The following RGS6 variants were observed in gnomAD, a reference collection of about 807,000 sequenced individuals.
RGS6 encodes regulator of G protein signaling 6.
Under a neutral mutation model 78.5 loss-of-function variants are expected in RGS6, and 30 were observed. The observed-to-expected ratio is 0.38, with a 90% CI of 0.29 to 0.52. The LOEUF is 0.52. Ranked by LOEUF, RGS6 falls within the 20% of genes least tolerant of loss-of-function variation. The pLI is 0.85. For missense variants in RGS6, 495 were observed against 609.7 expected (o/e 0.81, Z 1.98); for synonymous variants, 206 against 206.0 (o/e 1.00, Z 0.00).
At chr14:72,181,422 A>G (rs754157981) in intron 2 of RGS6, among the ~76,000 whole-genome samples, 2 of 152,226 alleles carry the variant, frequency 1.3e-5, no homozygotes, top group Non-Finnish European at 2.9e-5. Flanking sequence ...ATTTTTTGCC[A>G]TCATTCAGAG....
chr14:71,901,263 T>C, the RGS6 span, among the ~76,000 whole-genome samples: 1 of 152,256 alleles, frequency 6.6e-6, no homozygotes. Context: ...ATCAAGAATA[T>C]GAACTTTAGA....
At chr14:71,996,603 G>A (rs552726696) in intron 2 of RGS6, among the ~76,000 whole-genome samples, 1 of 152,140 alleles carries the variant, frequency 6.6e-6, no homozygotes, top group Non-Finnish European at 1.5e-5. Context: ...CAGTAAAATT[G>A]GGCGTTTTCA....
At chr14:72,082,290 T>C (rs1202416895) in intron 2 of RGS6, among the ~76,000 whole-genome samples, 1 of 152,152 alleles carries the variant, frequency 6.6e-6, no homozygotes, top group Non-Finnish European at 1.5e-5. Context: ...TGGGATATCT[T>C]TTCATTTCTT....
chr14:72,095,803 A>T (rs1263790213), intron 2 of RGS6, among the ~76,000 whole-genome samples: 2 of 152,246 alleles, frequency 1.3e-5, no homozygotes, highest in Non-Finnish European at 2.9e-5. Flanking sequence ...TTTCAATGTC[A>T]TGCAAATGCC....
At chr14:72,432,644 A>T (rs2094699063) in intron 3 of RGS6, among the ~76,000 whole-genome samples, 1 of 152,186 alleles carries the variant, frequency 6.6e-6, no homozygotes, top group Admixed American at 6.5e-5. Flanking sequence ...GCTCCTGTCC[A>T]TCCCACCTCC....
intron 13 of RGS6, among the ~76,000 whole-genome samples, chr14:72,505,093 A>C (rs2096783031): frequency 1.3e-5 from 2 of 151,934 alleles, no homozygotes; most frequent in South Asian, 4.2e-4. Flanking sequence ...GCTTTTGCTG[A>C]CATATATCTC....
chr14:71,963,974 A>G (rs1301930710), intron 1 of RGS6, among the ~76,000 whole-genome samples: 2 of 151,348 alleles, frequency 1.3e-5, no homozygotes, highest in African/African-American at 4.9e-5. Context: ...TTACATTCCT[A>G]CCAGCAATGT....
At chr14:72,438,698 C>A (rs991105177) in intron 3 of RGS6, among the ~76,000 whole-genome samples, 1 of 152,220 alleles carries the variant, frequency 6.6e-6, no homozygotes, top group African/African-American at 2.4e-5. Flanking sequence ...CCTTCCATTT[C>A]TCTAACCCAG....
intron 3 of RGS6, among the ~76,000 whole-genome samples, chr14:72,402,803 T>G (rs1289772520): frequency 1.4e-5 from 2 of 141,404 alleles, no homozygotes; most frequent in Non-Finnish European, 3.1e-5. Flanking sequence ...TTTTTTTTTT[T>G]TTTTTTTTTT....
intron 2 of RGS6, among the ~76,000 whole-genome samples, chr14:71,972,018 T>C (rs760824121): frequency 2.5e-4 from 38 of 151,830 alleles, no homozygotes; most frequent in Non-Finnish European, 4.6e-4. Context: ...TTTTTTTCTT[T>C]ATTATACTTT....
intron 2 of RGS6, among the ~76,000 whole-genome samples, chr14:72,102,499 A>G (rs2095548230): frequency 6.6e-6 from 1 of 152,194 alleles, no homozygotes; most frequent in African/African-American, 2.4e-5. Context: ...GGTTTTAGAT[A>G]CTTTCTTTTA....
At chr14:72,023,124 A>T (rs2108709) in intron 2 of RGS6, among the ~76,000 whole-genome samples, 2 of 152,214 alleles carry the variant, frequency 1.3e-5, no homozygotes, top group African/African-American at 4.8e-5. Context: ...TGCCATTTCC[A>T]TGAATTTCCT....
In RGS6 at chr14:72,345,561, G is replaced by A. The variant is rs533661282; in HGVS notation, c.85-6534G>A. Among the ~76,000 whole-genome samples the A allele has an allele frequency of 5.3e-5, 8 of 152,300 alleles. No homozygotes were observed. The East Asian group carries it at 1.4e-3, about 26-fold the overall frequency. On this transcript the variant is annotated intron_variant, in intron 2 of 17. Transcript: ENST00000553525. Reference sequence around the variant, plus strand: ...GGAGCCGTGATGGTTTTCTTCCACAGGCCTGTGGTGGCATTCCTCAGTGTT... The same window carrying A: ...GGAGCCGTGATGGTTTTCTTCCACAAGCCTGTGGTGGCATTCCTCAGTGTT...
At chr14:71,986,431 C>G (rs896059385) in intron 2 of RGS6, among the ~76,000 whole-genome samples, 20 of 152,228 alleles carry the variant, frequency 1.3e-4, no homozygotes, top group African/African-American at 4.3e-4. Context: ...AGGCCAGGCA[C>G]AGTGGTGCAT....
At chr14:72,287,513 G>A (rs1184862624) in intron 2 of RGS6, among the ~76,000 whole-genome samples, 1 of 152,152 alleles carries the variant, frequency 6.6e-6, no homozygotes, top group Admixed American at 6.5e-5. Flanking sequence ...CTGGAGTGCA[G>A]TGGCGTGATC....
chr14:72,517,258 TGACTA>T (rs773925153), intron 14 of RGS6, among the ~76,000 whole-genome samples: 1 of 152,150 alleles, frequency 6.6e-6, no homozygotes, highest in Non-Finnish European at 1.5e-5. Context: ...CCCTTTCTGT[TGACTA>T]GACTACCTGT....
intron 2 of RGS6, among the ~76,000 whole-genome samples, chr14:72,287,777 A>T (rs73304918): frequency 6.6e-6 from 1 of 152,186 alleles, no homozygotes. Flanking sequence ...ATATTGAGGT[A>T]AATTCCTTCT....
the RGS6 span, among the ~76,000 whole-genome samples, chr14:72,624,339 T>C: frequency 6.9e-6 from 1 of 144,508 alleles, no homozygotes; most frequent in Non-Finnish European, 1.5e-5. Context: ...GTCTCTTTTT[T>C]TTTTTTTTTT....
chr14:71,955,764 C>T (rs1595179041), intron 1 of RGS6, among the ~76,000 whole-genome samples: 1 of 152,236 alleles, frequency 6.6e-6, no homozygotes, highest in Non-Finnish European at 1.5e-5. Context: ...TTATGCCGAC[C>T]TCCAGTCTCA....
Sources: allele counts gnomAD v4.1 joint callset (sites outside exome capture counted in the v4.1 genomes callset), GRCh38; gene constraint gnomAD v4.1.1; transcripts MANE v1.5; gene names NCBI Gene and HGNC (gene_info 2026-07-23, HGNC 2026-07-21).